Variants in CTNNA2 observed in about 807,000 individuals in gnomAD.
CTNNA2 encodes the protein catenin alpha 2.
Under a neutral mutation model 101.0 loss-of-function variants are expected in CTNNA2, and 42 were observed. The ratio of observed to expected loss-of-function variants is 0.42; its 90% CI spans 0.32 to 0.54. CTNNA2 has a LOEUF of 0.54. Among genes scored for constraint, CTNNA2 ranks in the 20% least tolerant of loss-of-function variants. The probability of loss-of-function intolerance (pLI) is 0.14; values close to 1 mark genes in which losing one functional copy is unlikely to be tolerated. For missense variants in CTNNA2, 871 were observed against 1,223.1 expected, an observed-to-expected ratio of 0.71 and a Z score of 4.29; for synonymous variants, 450 against 456.4, an observed-to-expected ratio of 0.99 and a Z score of 0.18.
intron 1 of CTNNA2, among the ~76,000 whole-genome samples, chr2:79,518,727 A>G (rs1020819234): frequency 2.0e-5 from 3 of 152,200 alleles, no homozygotes; most frequent in African/African-American, 7.2e-5. Context: ...TCTATCTTTC[A>G]GTGAGGAAGT....
chr2:79,301,755 C>T (rs915909087), intron 2 of CTNNA2, among the ~76,000 whole-genome samples: 6 of 152,058 alleles, frequency 3.9e-5, no homozygotes, highest in Non-Finnish European at 2.9e-5. Context: ...ACCTGGCTCC[C>T]TTGGAGTCAG....
At chr2:80,160,443 C>A (rs1339563274) in intron 7 of CTNNA2, among the ~76,000 whole-genome samples, 2 of 152,114 alleles carry the variant, frequency 1.3e-5, no homozygotes, top group African/African-American at 4.8e-5. Context: ...CAGTATGTCT[C>A]TCAATAGGTT....
At chr2:79,523,177 T>C in intron 1 of CTNNA2, 1 of 374,408 alleles carries the variant, frequency 2.7e-6, no homozygotes, top group South Asian at 2.1e-5. Context: ...TTTTTGGAAT[T>C]TAAGTATTCA....
chr2:80,062,337 C>G (rs1384837935), intron 7 of CTNNA2, among the ~76,000 whole-genome samples: 1 of 152,178 alleles, frequency 6.6e-6, no homozygotes, highest in Non-Finnish European at 1.5e-5. Flanking sequence ...AATAAGTAGT[C>G]TCTTTCTTTT....
At chr2:80,332,152 T>G (rs1305791781) in intron 7 of CTNNA2, among the ~76,000 whole-genome samples, 3 of 152,178 alleles carry the variant, frequency 2.0e-5, no homozygotes, top group African/African-American at 7.2e-5. Flanking sequence ...TAGTTTACTT[T>G]TGGAAATTAT....
intron 3 of CTNNA2, among the ~76,000 whole-genome samples, chr2:79,769,354 A>G (rs1673410030): frequency 6.6e-6 from 1 of 152,294 alleles, no homozygotes; most frequent in South Asian, 2.1e-4. Flanking sequence ...GCTGACTCTG[A>G]TGTTCAAGGA....
intron 2 of CTNNA2, among the ~76,000 whole-genome samples, chr2:79,684,309 T>A (rs958373543): frequency 6.6e-6 from 1 of 152,202 alleles, no homozygotes; most frequent in African/African-American, 2.4e-5. Flanking sequence ...CCTGTTCTTT[T>A]CTTGTATAAT....
chr2:80,342,330 T>C (rs1175189080), intron 7 of CTNNA2, among the ~76,000 whole-genome samples: 1 of 152,176 alleles, frequency 6.6e-6, no homozygotes, highest in Non-Finnish European at 1.5e-5. Flanking sequence ...AGACAACATA[T>C]AAGTACATCT....
At chr2:80,400,815 AC>A (rs1400440790) in intron 8 of CTNNA2, among the ~76,000 whole-genome samples, 2 of 152,102 alleles carry the variant, frequency 1.3e-5, no homozygotes, top group African/African-American at 4.8e-5. Flanking sequence ...TTTCACACAC[AC>A]AAAAGATGGC....
intron 3 of CTNNA2, among the ~76,000 whole-genome samples, chr2:79,820,021 T>G (rs2941753): frequency 1.3e-5 from 2 of 151,964 alleles, no homozygotes; most frequent in South Asian, 2.1e-4. Context: ...CATCGTCTAG[T>G]TGGTTTATTT....
chr2:80,018,930 G>A (rs1256437393), intron 7 of CTNNA2, among the ~76,000 whole-genome samples: 1 of 152,058 alleles, frequency 6.6e-6, no homozygotes, highest in Non-Finnish European at 1.5e-5. Flanking sequence ...TCACATCATG[G>A]ATTCAATCAA....
At chr2:79,797,332 C>T (rs966597040) in intron 3 of CTNNA2, among the ~76,000 whole-genome samples, 6 of 152,026 alleles carry the variant, frequency 3.9e-5, no homozygotes, top group African/African-American at 4.8e-5. Context: ...GGTCTCATTT[C>T]CTTTGTTTAA....
intron 7 of CTNNA2, among the ~76,000 whole-genome samples, chr2:80,383,860 A>G (rs1676746989): frequency 6.6e-6 from 1 of 152,176 alleles, no homozygotes; most frequent in South Asian, 2.1e-4. Flanking sequence ...ATAAAGACAC[A>G]CGTACTAATT....
At chr2:80,140,303 A>C (rs1309438607) in intron 7 of CTNNA2, among the ~76,000 whole-genome samples, 1 of 152,156 alleles carries the variant, frequency 6.6e-6, no homozygotes, top group African/African-American at 2.4e-5. Flanking sequence ...TATACTTTTT[A>C]TCATTGCTAC....
chr2:80,452,632 C>A (rs1014398901), intron 9 of CTNNA2, among the ~76,000 whole-genome samples: 1 of 151,590 alleles, frequency 6.6e-6, no homozygotes, highest in Admixed American at 6.6e-5. Flanking sequence ...ATGGAGCTTA[C>A]AAGGGAGAAG....
chr2:79,798,154 T>C (rs1278374903), intron 3 of CTNNA2, among the ~76,000 whole-genome samples: 7 of 152,170 alleles, frequency 4.6e-5, no homozygotes, highest in Admixed American at 2.6e-4. Context: ...GGCCCAGCAA[T>C]CTGTATTTTA....
intron 7 of CTNNA2, among the ~76,000 whole-genome samples, chr2:80,351,996 G>C (rs1477381950): frequency 6.6e-6 from 1 of 152,056 alleles, no homozygotes; most frequent in African/African-American, 2.4e-5. Flanking sequence ...GGACACAGAG[G>C]GAAGCTCGTC....
chr2:80,634,636 G>C (rs1672673591), intron 18 of CTNNA2, among the ~76,000 whole-genome samples: 1 of 152,058 alleles, frequency 6.6e-6, no homozygotes. Context: ...GCTTCCATTT[G>C]AGAATAAACG....
chr2:80,611,843 C>A (rs1698491760), intron 17 of CTNNA2, among the ~76,000 whole-genome samples: 1 of 151,366 alleles, frequency 6.6e-6, no homozygotes, highest in Non-Finnish European at 1.5e-5. Flanking sequence ...TTCATTATAA[C>A]AATGAAGTCA....
Sources: gnomAD v4.1 joint callset for allele counts (sites outside exome capture counted in the v4.1 genomes callset) on GRCh38, gnomAD v4.1.1 for gene constraint, MANE v1.5 for transcripts, NCBI Gene and HGNC (gene_info 2026-07-23, HGNC 2026-07-21) for gene names.